SMYD3: variants seen among roughly 807,000 people sequenced by gnomAD.
The protein encoded by SMYD3 is histone-lysine N-methyltransferase SMYD3.
A neutral mutation model predicts 57.7 loss-of-function variants in SMYD3; 36 were observed. The observed-to-expected ratio is 0.62, with a 90% CI of 0.48 to 0.82. SMYD3 has a LOEUF of 0.82. Among genes scored for constraint, SMYD3 ranks in the 40% least tolerant of loss-of-function variants. The pLI, the probability that SMYD3 is intolerant of heterozygous loss-of-function variation, is 0.00. For missense variants in SMYD3, 515 were observed against 538.8 expected (o/e 0.96, Z 0.44); for synonymous variants, 211 against 195.0 (o/e 1.08, Z -0.68).
intron 5 of SMYD3, among the ~76,000 whole-genome samples, chr1:246,138,482 G>A (rs35543031): frequency 0.4 from 42,015 of 106,200 alleles, 12,543 homozygotes; most frequent in Non-Finnish European, 0.64. Flanking sequence ...CTGGAGTGCA[G>A]TGGCGCGATC....
At chr1:246,078,037 G>T (rs2060576488) in intron 5 of SMYD3, among the ~76,000 whole-genome samples, 1 of 151,878 alleles carries the variant, frequency 6.6e-6, no homozygotes, top group African/African-American at 2.4e-5. Context: ...AAAACAAGCA[G>T]AAGATATACA....
At chr1:245,813,989 T>C (rs1050255744) in intron 10 of SMYD3, among the ~76,000 whole-genome samples, 3 of 151,774 alleles carry the variant, frequency 2.0e-5, no homozygotes, top group Non-Finnish European at 4.4e-5. Flanking sequence ...TGTTTCACCT[T>C]TTCCGTATAT....
chr1:245,758,849 T>G (rs545082613), intron 11 of SMYD3, among the ~76,000 whole-genome samples: 74 of 152,216 alleles, frequency 4.9e-4, no homozygotes, highest in Non-Finnish European at 7.9e-4. Context: ...GATTGAGATA[T>G]TCCTGGTTCT....
chr1:246,044,337 T>C (rs186114257), intron 5 of SMYD3, among the ~76,000 whole-genome samples: 1 of 152,330 alleles, frequency 6.6e-6, no homozygotes, highest in East Asian at 1.9e-4. Context: ...CTGGGTAAGA[T>C]ACACAGGTGT....
chr1:245,832,618 C>T (rs2153409), intron 10 of SMYD3, among the ~76,000 whole-genome samples: 119,784 of 151,852 alleles, frequency 0.79, 50,246 homozygotes, highest in Non-Finnish European at 0.95. Context: ...ATCTCAGTTA[C>T]AGTTTGCATC....
chr1:246,437,636 G>A (rs564484279), intron 1 of SMYD3, among the ~76,000 whole-genome samples: 1 of 152,254 alleles, frequency 6.6e-6, no homozygotes, highest in South Asian at 2.1e-4. Flanking sequence ...GCGTGAATTT[G>A]TTTGCTAAAA....
chr1:246,138,413 A>T (rs544079007), intron 5 of SMYD3, among the ~76,000 whole-genome samples: 2 of 152,010 alleles, frequency 1.3e-5, no homozygotes, highest in East Asian at 1.9e-4. Context: ...AAACTATTTT[A>T]AAAATTTATT....
At chr1:245,966,922 T>A (rs1572808485) in intron 5 of SMYD3, among the ~76,000 whole-genome samples, 1 of 152,210 alleles carries the variant, frequency 6.6e-6, no homozygotes, top group East Asian at 1.9e-4. Flanking sequence ...TGAGCCTTTC[T>A]GAGCAGGAAA....
At chr1:246,393,913 T>C (rs919074120) in intron 1 of SMYD3, among the ~76,000 whole-genome samples, 2 of 152,174 alleles carry the variant, frequency 1.3e-5, no homozygotes, top group Admixed American at 6.5e-5. Flanking sequence ...TTCTATGCTT[T>C]GGTGACATCT....
rs1279224478 is a variant in SMYD3, at chr1:245,964,704, T to C, written c.532-34767A>G. On this transcript the variant is annotated intron_variant, in intron 5 of 11. Coordinates refer to ENST00000490107, the MANE Select transcript of SMYD3 (RefSeq NM_001167740.2). ...TTGAATAATCCTTTTGACCAACTTA[T>C]TAGGAGACTGAACACAACTGAGGAA... Among the ~76,000 whole-genome samples, 5 of 151,948 alleles carry C rather than the reference T, an allele frequency of 3.3e-5. No homozygotes were observed. In the East Asian group the frequency reaches 9.7e-4, roughly 29 times the overall value.
intron 5 of SMYD3, among the ~76,000 whole-genome samples, chr1:246,245,135 T>G (rs2063680336): frequency 6.6e-6 from 1 of 151,386 alleles, no homozygotes; most frequent in Non-Finnish European, 1.5e-5. Context: ...TTTTTTTTTT[T>G]TTTTTTAGTT....
rs1049157178 is a variant in SMYD3, at chr1:245,832,598, C to A, written c.1076+25898G>T. Among the ~76,000 whole-genome samples, 33 of 151,776 alleles carry A rather than the reference C, an allele frequency of 2.2e-4. 1 individual carries two copies. Among genetic ancestry groups the A allele is most frequent in the African/African-American group, 6.5e-4 (27 of 41,328 alleles). On this transcript the variant is annotated intron_variant, in intron 10 of 11. Transcript: ENST00000490107. ...TTATCTAGATGAGCACTCAGGATTT[C>A]TTCTTTAGTATCTCAGTTACAGTTT...
At chr1:246,461,861 C>G (rs114878223) in intron 1 of SMYD3, among the ~76,000 whole-genome samples, 1 of 152,054 alleles carries the variant, frequency 6.6e-6, no homozygotes, top group African/African-American at 2.4e-5. Context: ...CCTGTGTTCA[C>G]GTATTCATTC....
At chr1:246,210,204 A>G (rs1027863865) in intron 5 of SMYD3, among the ~76,000 whole-genome samples, 6 of 152,158 alleles carry the variant, frequency 3.9e-5, no homozygotes, top group Non-Finnish European at 8.8e-5. Context: ...AATGTGCCCT[A>G]AAGTTTGAGA....
At chr1:246,215,241 A>G (rs1039597639) in intron 5 of SMYD3, among the ~76,000 whole-genome samples, 3 of 152,134 alleles carry the variant, frequency 2.0e-5, no homozygotes, top group Non-Finnish European at 4.4e-5. Flanking sequence ...CTTTGTTTGC[A>G]TGGTCTATGT....
chr1:246,196,267 A>G (rs141386028), intron 5 of SMYD3, among the ~76,000 whole-genome samples: 2 of 152,278 alleles, frequency 1.3e-5, no homozygotes, highest in East Asian at 1.9e-4. Context: ...CTACTAGACA[A>G]TAACTCCTGG....
intron 5 of SMYD3, among the ~76,000 whole-genome samples, chr1:246,195,126 G>A (rs1384045162): frequency 3.9e-5 from 6 of 152,144 alleles, no homozygotes; most frequent in Admixed American, 1.3e-4. Context: ...CATAATACTT[G>A]TAGTTGCCTG....
At chr1:246,410,398 CA>C (rs1237776231) in intron 1 of SMYD3, among the ~76,000 whole-genome samples, 3 of 152,142 alleles carry the variant, frequency 2.0e-5, no homozygotes, top group Non-Finnish European at 4.4e-5. Flanking sequence ...TGAATTTTGT[CA>C]AAGGCCTTTT....
chr1:246,020,210 G>A (rs12031221), intron 5 of SMYD3, among the ~76,000 whole-genome samples: 27,995 of 152,076 alleles, frequency 0.18, 3,008 homozygotes, highest in East Asian at 0.43. Flanking sequence ...CTTATCTAGA[G>A]GCTAACAGGC....
Sources: gnomAD v4.1 joint callset for allele counts (sites outside exome capture counted in the v4.1 genomes callset) on GRCh38, gnomAD v4.1.1 for gene constraint, MANE v1.5 for transcripts, NCBI Gene and HGNC (gene_info 2026-07-23, HGNC 2026-07-21) for gene names.